Variants in NSG2 observed in about 807,000 individuals in gnomAD.
NSG2 encodes the protein neuronal vesicle trafficking-associated protein 2.
Under a neutral mutation model 16.9 loss-of-function variants are expected in NSG2, and 4 were observed. The ratio of observed to expected loss-of-function variants is 0.24; its 90% CI spans 0.12 to 0.54. NSG2 has a LOEUF of 0.54. Ranked by LOEUF, NSG2 falls within the 20% of genes least tolerant of loss-of-function variation. The pLI is 0.95. For synonymous variants in NSG2, 98 were observed against 88.7 expected (o/e 1.11, Z -0.59); for missense variants, 179 against 221.1 (o/e 0.81, Z 1.21).
chr5:174,073,350 GCTCT>G (rs1436551650), intron 3 of NSG2, among the ~76,000 whole-genome samples: 1 of 152,128 alleles, frequency 6.6e-6, no homozygotes, highest in Non-Finnish European at 1.5e-5. Flanking sequence ...GGTTTTTATT[GCTCT>G]CTCTTTCTTT....
intron 3 of NSG2, among the ~76,000 whole-genome samples, chr5:174,103,090 C>T (rs921855431): frequency 9.2e-5 from 14 of 151,904 alleles, no homozygotes; most frequent in African/African-American, 3.4e-4. Flanking sequence ...CACCTGGCCC[C>T]TGCTTTGTTT....
intron 3 of NSG2, among the ~76,000 whole-genome samples, chr5:174,085,308 G>A (rs1760589691): frequency 6.6e-6 from 1 of 152,214 alleles, no homozygotes. Context: ...CAGAGAGGTG[G>A]CGTCGTGTAC....
chr5:174,051,637 G>C (rs1299524099), intron 2 of NSG2, among the ~76,000 whole-genome samples: 1 of 152,160 alleles, frequency 6.6e-6, no homozygotes, highest in Admixed American at 6.5e-5. Context: ...CAGGCACTGT[G>C]CTAGGCCATA....
chr5:174,063,538 A>G (rs1760090822), intron 2 of NSG2, among the ~76,000 whole-genome samples: 1 of 105,432 alleles, frequency 9.5e-6, no homozygotes, highest in South Asian at 2.9e-4. Flanking sequence ...ATTTTATTTT[A>G]TTTTATTTTA....
In NSG2 at chr5:174,046,960, C is replaced by T. The variant is rs1759810847; in HGVS notation, c.129+76C>T. Reference sequence around the variant, plus strand: ...GGAAATAAAGCAGCAAAAAATTCCACCCCCCAAATCCTTTCATTCTCTTAT... The same window carrying T: ...GGAAATAAAGCAGCAAAAAATTCCATCCCCCAAATCCTTTCATTCTCTTAT... On this transcript the variant is annotated intron_variant, in intron 2 of 4. Transcript: ENST00000303177. 2.7e-6 allele frequency: 4 copies of T among 1,468,960 alleles called. No homozygotes were observed. The East Asian group carries it at 9.2e-5, about 34-fold the overall frequency. The allele number at this position is 1,468,960 out of a possible 1,614,324, so 91.0% of individuals were successfully genotyped here.
At chr5:174,082,268 A>G (rs1373594308) in intron 3 of NSG2, 1 of 152,252 alleles carries the variant, frequency 6.6e-6, no homozygotes, top group African/African-American at 2.4e-5. Flanking sequence ...TGGATGATTC[A>G]TGGAAGTACA....
rs772478568 is a variant in NSG2 at position 174,046,783 on chromosome 5, G to A, written c.28G>A (p.Glu10Lys). Reference protein sequence around the residue: MVKLNSNPSEKGTKPPSVED... With the variant: MVKLNSNPSKKGTKPPSVED... ...GGTGAAGCTGAACAGTAACCCCAGCGAGAAGGGAACCAAGCCGCCTTCAGT... is the reference window on the plus strand; with the variant it reads ...GGTGAAGCTGAACAGTAACCCCAGCAAGAAGGGAACCAAGCCGCCTTCAGT... The change falls in exon 2 of 5, where the codon GAG becomes AAG. Residue 10 changes from glutamate to lysine, a missense_variant. Physicochemically the swap from Glu to Lys is moderately conservative, Grantham distance 56. Coordinates refer to ENST00000303177, the MANE Select transcript of NSG2 (RefSeq NM_015980.5). The A allele has an allele frequency of 1.2e-5, 20 of 1,613,992 alleles. No individual in the cohort carries two copies. Among genetic ancestry groups the A allele is most frequent in the South Asian group, 3.3e-5 (3 of 91,076 alleles).
intron 3 of NSG2, among the ~76,000 whole-genome samples, chr5:174,080,418 A>T (rs1760428582): frequency 6.6e-6 from 1 of 151,242 alleles, no homozygotes; most frequent in Non-Finnish European, 1.5e-5. Flanking sequence ...GATTACATAA[A>T]TTTATAGATT....
rs116344215 is a variant in NSG2 at position 174,075,288 on chromosome 5, G to A, written c.213+10973G>A. 9.3e-3 allele frequency among the ~76,000 whole-genome samples: 1,422 copies of A among 152,120 alleles called. 17 individuals carry two copies. The highest frequency in any genetic ancestry group is 0.031 in the African/African-American group (1,281 of 41,492). On this transcript the variant is annotated intron_variant, in intron 3 of 4. Transcript: ENST00000303177. The stretch of plus-strand genomic sequence containing the variant: ...ATACAGCCAATAAGGGGGCAGAGTC[G>A]GGGTTTTCTGACCCAGAGCGGTATG...
intron 2 of NSG2, 104 bp downstream of exon 2, chr5:174,046,988 G>T: frequency 9.0e-7 from 1 of 1,112,408 alleles, no homozygotes; most frequent in African/African-American, 1.6e-5. Flanking sequence ...TCTCTTATCT[G>T]CCAAATGTGC....
intron 3 of NSG2, among the ~76,000 whole-genome samples, chr5:174,076,559 AAATTTCT>A (rs1760347135): frequency 6.6e-6 from 1 of 152,206 alleles, no homozygotes; most frequent in South Asian, 2.1e-4. Context: ...TAAGAAAAAA[AAATTTCT>A]AATTTCTAAA....
At chr5:174,095,197 TG>T (rs1310597709) in intron 3 of NSG2, among the ~76,000 whole-genome samples, 1 of 152,064 alleles carries the variant, frequency 6.6e-6, no homozygotes, top group Non-Finnish European at 1.5e-5. Context: ...GCAGACAATA[TG>T]GGGGAAGAGA....
chr5:174,076,655 G>A (rs1319475652), intron 3 of NSG2, among the ~76,000 whole-genome samples: 2 of 152,180 alleles, frequency 1.3e-5, no homozygotes, highest in African/African-American at 2.4e-5. Context: ...GTAAAATGAG[G>A]TAGTTGGGTG....
chr5:174,045,902 C>T (rs1378034773), intron 1 of NSG2, 59 bp downstream of exon 1: 1 of 152,332 alleles, frequency 6.6e-6, no homozygotes, highest in African/African-American at 2.4e-5. Context: ...CCCCTTTCAC[C>T]CCCACAACAA....
rs953441528 is a variant in NSG2 at position 174,107,707 on chromosome 5, T to C, written c.*202T>C. On this transcript the variant is annotated 3_prime_UTR_variant, in exon 5 of 5. Transcript: ENST00000303177. The surrounding 1 kb of genome is among the most constrained non-coding windows in gnomAD (Gnocchi z 4.5). Reference sequence around the variant, plus strand: ...GATATTTCTTTTTGTTCCTTGGTATTGTTGATTCGTCGCCGAGTCAGGCTC... The same window carrying C: ...GATATTTCTTTTTGTTCCTTGGTATCGTTGATTCGTCGCCGAGTCAGGCTC... 7.1e-6 allele frequency: 5 copies of C among 705,616 alleles called. No individual in the cohort carries two copies. In the African/African-American group the frequency reaches 8.7e-5, roughly 12 times the overall value. The allele number at this position is 705,616 out of a possible 1,614,324, so 43.7% of individuals were successfully genotyped here.
intron 4 of NSG2, among the ~76,000 whole-genome samples, chr5:174,106,789 T>A (rs571363054): frequency 6.6e-6 from 1 of 152,068 alleles, no homozygotes; most frequent in South Asian, 2.1e-4. Context: ...GAGATGGGGT[T>A]TCACTCTGTT....
chr5:174,085,002 A>C (rs1760580780), intron 3 of NSG2, among the ~76,000 whole-genome samples: 1 of 152,172 alleles, frequency 6.6e-6, no homozygotes, highest in South Asian at 2.1e-4. Flanking sequence ...GTGAAATGCA[A>C]GAGTCTGATT....
intron 3 of NSG2, chr5:174,091,262 G>A (rs1191969263): frequency 6.6e-6 from 1 of 152,342 alleles, no homozygotes. Flanking sequence ...GGGCTGAGGG[G>A]GATAGTCTGG....
chr5:174,069,323 C>T (rs1048016590), intron 3 of NSG2, among the ~76,000 whole-genome samples: 1 of 152,176 alleles, frequency 6.6e-6, no homozygotes, highest in Admixed American at 6.5e-5. Context: ...GGTGCTTATG[C>T]ACCTAGCTAT....
Sources: gnomAD v4.1 joint callset for allele counts (sites outside exome capture counted in the v4.1 genomes callset) on GRCh38, gnomAD v4.1.1 for gene constraint, Gnocchi (gnomAD v3.1) non-coding constraint, MANE v1.5 for transcripts, NCBI Gene and HGNC (gene_info 2026-07-23, HGNC 2026-07-21) for gene names.